MSI2: variants seen among roughly 807,000 people sequenced by gnomAD.
MSI2 encodes the protein RNA-binding protein Musashi homolog 2.
Under a neutral mutation model 45.6 loss-of-function variants are expected in MSI2, and 17 were observed. The observed-to-expected ratio is 0.37, with a 90% CI of 0.26 to 0.56. The LOEUF (loss-of-function observed/expected upper bound fraction) is 0.56. Among genes scored for constraint, MSI2 ranks in the 20% least tolerant of loss-of-function variants. The pLI is 0.77. For missense variants in MSI2, 293 were observed against 444.2 expected (o/e 0.66, Z 3.06); for synonymous variants, 156 against 158.2 (o/e 0.99, Z 0.11).
At chr17:57,349,526 G>C (rs1222681612) in intron 5 of MSI2, among the ~76,000 whole-genome samples, 2 of 152,176 alleles carry the variant, frequency 1.3e-5, no homozygotes, top group Non-Finnish European at 2.9e-5. Flanking sequence ...CAACATATGT[G>C]TATGTCAATT....
At chr17:57,460,704 A>G (rs1327772749) in intron 6 of MSI2, among the ~76,000 whole-genome samples, 1 of 152,110 alleles carries the variant, frequency 6.6e-6, no homozygotes, top group Non-Finnish European at 1.5e-5. Flanking sequence ...GGGCAGGGGC[A>G]GGTCCCAGTG....
chr17:57,683,091 G>A lies in MSI2; in HGVS notation c.*3574G>A, dbSNP rs1021622075. ...AAACAAAGCCCCAGCAGGCCTTTGC[G>A]TTTTTATCCTTCATAACCTTCATCT... is the stretch of plus-strand genomic sequence containing the variant. On this transcript the variant is annotated 3_prime_UTR_variant, in exon 14 of 14. Coordinates refer to ENST00000284073, the MANE Select transcript of MSI2 (RefSeq NM_138962.4). The surrounding 1 kb of genome is among the most constrained non-coding windows in gnomAD (Gnocchi z 5.2). 2.6e-5 allele frequency: 6 copies of A among 229,788 alleles called. No individual in the cohort carries two copies. The highest frequency in any genetic ancestry group is 2.3e-4 in the Admixed American group (4 of 17,662). The allele number at this position is 229,788 out of a possible 1,614,324, so 14.2% of individuals were successfully genotyped here.
chr17:57,309,213 C>T lies in MSI2; in HGVS notation c.312+47021C>T, dbSNP rs191460556. On this transcript the variant is annotated intron_variant, in intron 5 of 13. Coordinates refer to ENST00000284073, the MANE Select transcript of MSI2 (RefSeq NM_138962.4). ...TAAGTAGTTCTATAGATCATCTATT[C>T]TACTGGGCTTAATCATCATAGGGGA... is the stretch of plus-strand genomic sequence containing the variant. Among the ~76,000 whole-genome samples, 1,243 of 152,300 alleles carry T rather than the reference C, an allele frequency of 8.2e-3. 18 individuals are homozygous for T. Among genetic ancestry groups the T allele is most frequent in the African/African-American group, 0.028 (1,182 of 41,544 alleles).
chr17:57,683,783 G>C lies in MSI2; in HGVS notation c.*4266G>C, dbSNP rs549910328. 1.3e-5 allele frequency: 3 copies of C among 231,784 alleles called. No individual in the cohort carries two copies. The East Asian group carries it at 1.8e-4, about 14-fold the overall frequency. 14.4% of individuals were successfully genotyped at this position (231,784 alleles called of 1,614,324 possible). On this transcript the variant is annotated 3_prime_UTR_variant, in exon 14 of 14. Coordinates refer to ENST00000284073, the MANE Select transcript of MSI2 (RefSeq NM_138962.4). This position sits in a 1 kb window ranked among gnomAD's most constrained non-coding sequence, Gnocchi z 5.2. ...ACTGCAGGCAAGCACATTGAAGAAAGACACTGGCGGGTTTCCCCACCCTCA... is the reference window on the plus strand; with the variant it reads ...ACTGCAGGCAAGCACATTGAAGAAACACACTGGCGGGTTTCCCCACCCTCA...
intron 7 of MSI2, among the ~76,000 whole-genome samples, chr17:57,584,782 A>G (rs1413965325): frequency 1.4e-5 from 2 of 144,492 alleles, no homozygotes; most frequent in Non-Finnish European, 3.1e-5. Context: ...AGATTAATGG[A>G]TGATTTGGGT....
In MSI2 at chr17:57,682,864, G is replaced by A. The variant is rs544375733; in HGVS notation, c.*3347G>A. On this transcript the variant is annotated 3_prime_UTR_variant, in exon 14 of 14. Transcript: ENST00000284073. ...AACTCCTCTCCTCCCAAGCAGAGGCGAGTGAGTGGCATTAGCTCCCGGACC... is the reference window on the plus strand; with the variant it reads ...AACTCCTCTCCTCCCAAGCAGAGGCAAGTGAGTGGCATTAGCTCCCGGACC... 5.8e-4 allele frequency: 131 copies of A among 224,820 alleles called. 1 individual carries two copies. Among genetic ancestry groups the A allele is most frequent in the African/African-American group, 2.8e-3 (124 of 44,874 alleles). 13.9% of individuals were successfully genotyped at this position (224,820 alleles called of 1,614,324 possible).
At position 57,679,535 on chromosome 17, in the gene MSI2, TC is replaced by T. The variant is rs1321215567; in HGVS notation, c.*32-11del. ...TGTTTTCTTCTGGACATCCTGGCCTTCCCTGCCCTGCAGAGCATACCTGGAT... is the reference window on the plus strand; with the variant it reads ...TGTTTTCTTCTGGACATCCTGGCCTTCCTGCCCTGCAGAGCATACCTGGAT... On this transcript the variant is annotated splice_polypyrimidine_tract_variant and intron_variant, in intron 13 of 13. Transcript: ENST00000284073. 3 of 1,053,928 alleles carry T rather than the reference TC, an allele frequency of 2.8e-6. No homozygotes were observed. Among genetic ancestry groups the T allele is most frequent in the Non-Finnish European group, 2.3e-6 (2 of 871,812 alleles). The allele number at this position is 1,053,928 out of a possible 1,614,324, so 65.3% of individuals were successfully genotyped here.
intron 6 of MSI2, among the ~76,000 whole-genome samples, chr17:57,417,606 G>T (rs1368181831): frequency 6.6e-6 from 1 of 152,138 alleles, no homozygotes; most frequent in African/African-American, 2.4e-5. Context: ...GAGTGGAACG[G>T]TAGATGTGAT....
At chr17:57,353,320 G>T (rs1916174726) in intron 5 of MSI2, among the ~76,000 whole-genome samples, 1 of 152,196 alleles carries the variant, frequency 6.6e-6, no homozygotes, top group African/African-American at 2.4e-5. Flanking sequence ...GTGGGTAGGT[G>T]TAAAGCAGGC....
chr17:57,689,165 T>C (rs975046915), downstream of MSI2, among the ~76,000 whole-genome samples: 9 of 130,902 alleles, frequency 6.9e-5, no homozygotes, highest in Admixed American at 4.1e-4. Context: ...TATGCAGTGA[T>C]ATGTGGGTTT....
At chr17:57,693,852 A>C in the MSI2 span, among the ~76,000 whole-genome samples, 1 of 152,222 alleles carries the variant, frequency 6.6e-6, no homozygotes, top group African/African-American at 2.4e-5. Flanking sequence ...TAGGCAAGGG[A>C]TCTGCAAACT....
In MSI2 at chr17:57,684,650, C is replaced by CA. The variant is rs141396437; in HGVS notation, c.*5144dup. 0.027 allele frequency: 3,937 copies of CA among 146,230 alleles called. 35 individuals carry two copies. Among genetic ancestry groups the CA allele is most frequent in the Middle Eastern group, 0.044 (14 of 320 alleles). The allele number at this position is 146,230 out of a possible 1,614,324, so 9.1% of individuals were successfully genotyped here. Reference sequence around the variant, plus strand: ...TCCAGAAATCAATGTGTTTGTCTGACAAAAAAAAAAATAAAATAAAATAAA... The same window carrying CA: ...TCCAGAAATCAATGTGTTTGTCTGACAAAAAAAAAAAATAAAATAAAATAAA... On this transcript the variant is annotated 3_prime_UTR_variant, in exon 14 of 14. Transcript: ENST00000284073.
intron 5 of MSI2, among the ~76,000 whole-genome samples, chr17:57,309,686 G>C (rs1174037662): frequency 6.6e-6 from 1 of 152,210 alleles, no homozygotes; most frequent in Non-Finnish European, 1.5e-5. Flanking sequence ...GCAGGTGTTA[G>C]TGCCAGATGG....
At chr17:57,687,356 G>C (rs1250266123), downstream of MSI2, among the ~76,000 whole-genome samples, 1 of 151,866 alleles carries the variant, frequency 6.6e-6, no homozygotes, top group Admixed American at 6.6e-5. Context: ...GAAAACATAA[G>C]TCCAAAGGCT....
At chr17:57,317,506 CTTTTTTTTTTTT>C (rs921448429) in intron 5 of MSI2, among the ~76,000 whole-genome samples, 1 of 94,540 alleles carries the variant, frequency 1.1e-5, no homozygotes, top group East Asian at 3.0e-4. Flanking sequence ...TATAGTTTTG[CTTTTTTTTTTTT>C]TTTTTTTTTT....
intron 7 of MSI2, among the ~76,000 whole-genome samples, chr17:57,568,490 T>C (rs2087792278): frequency 6.6e-6 from 1 of 152,194 alleles, no homozygotes; most frequent in South Asian, 2.1e-4. Context: ...ATATGAGGCC[T>C]GTAGAAGGTG....
intron 5 of MSI2, among the ~76,000 whole-genome samples, chr17:57,349,541 G>A (rs1271437348): frequency 6.6e-6 from 1 of 152,196 alleles, no homozygotes; most frequent in African/African-American, 2.4e-5. Context: ...TCAATTATAT[G>A]TACTGGGGGA....
intron 7 of MSI2, among the ~76,000 whole-genome samples, chr17:57,533,726 T>G (rs1468834822): frequency 3.3e-5 from 5 of 152,140 alleles, no homozygotes; most frequent in African/African-American, 4.8e-5. Context: ...GCGATGCCCT[T>G]CTGTAATGGG....
At chr17:57,357,922 A>G (rs1470292041) in intron 5 of MSI2, among the ~76,000 whole-genome samples, 2 of 152,046 alleles carry the variant, frequency 1.3e-5, no homozygotes, top group Non-Finnish European at 1.5e-5. Context: ...TGACTTGATC[A>G]TCCAGCCAGG....
Sources: allele counts gnomAD v4.1 joint callset (sites outside exome capture counted in the v4.1 genomes callset), GRCh38; gene constraint gnomAD v4.1.1; non-coding constraint Gnocchi (gnomAD v3.1); transcripts MANE v1.5; gene names NCBI Gene and HGNC (gene_info 2026-07-23, HGNC 2026-07-21).